CSMD3: variants seen among roughly 807,000 people sequenced by gnomAD.
The protein encoded by CSMD3 is CUB and Sushi multiple domains 3.
CSMD3 carries 177 observed loss-of-function variants against 435.2 expected under a neutral mutation model. The observed-to-expected ratio is 0.41, with a 90% CI of 0.36 to 0.46. CSMD3 has a LOEUF of 0.46. CSMD3 is among the 20% of genes least tolerant of loss of function. The pLI, the probability that CSMD3 is intolerant of heterozygous loss-of-function variation, is 0.34. For synonymous variants in CSMD3, 1,656 were observed against 1,520.5 expected (o/e 1.09, Z -2.07); for missense variants, 4,265 against 4,504.6 (o/e 0.95, Z 1.52).
chr8:112,276,312 T>C (rs982365039), intron 59 of CSMD3, among the ~76,000 whole-genome samples: 1 of 152,336 alleles, frequency 6.6e-6, no homozygotes, highest in East Asian at 1.9e-4. Flanking sequence ...TTTCACAGGC[T>C]GGCATTGAGT....
At chr8:113,279,345 T>G (rs1053362390) in intron 2 of CSMD3, among the ~76,000 whole-genome samples, 14 of 150,842 alleles carry the variant, frequency 9.3e-5, no homozygotes, top group Admixed American at 2.7e-4. Context: ...ACACCCTGTT[T>G]GGCATCTGAT....
intron 27 of CSMD3, among the ~76,000 whole-genome samples, chr8:112,541,880 C>A (rs1563680531): frequency 6.6e-6 from 1 of 151,548 alleles, no homozygotes; most frequent in African/African-American, 2.4e-5. Flanking sequence ...TACAAAAATC[C>A]TCAACAAAAT....
At chr8:113,263,690 A>G (rs1339975407) in intron 3 of CSMD3, among the ~76,000 whole-genome samples, 2 of 151,886 alleles carry the variant, frequency 1.3e-5, no homozygotes, top group Admixed American at 1.3e-4. Flanking sequence ...AATTCACTTG[A>G]ACATATATGA....
intron 7 of CSMD3, among the ~76,000 whole-genome samples, chr8:112,968,565 A>G (rs1029236265): frequency 6.6e-6 from 1 of 151,914 alleles, no homozygotes; most frequent in Admixed American, 6.6e-5. Flanking sequence ...ATGCCAGAGG[A>G]CAGATTTAAT....
chr8:112,553,639 A>C (rs1827873771), intron 25 of CSMD3, among the ~76,000 whole-genome samples: 1 of 152,038 alleles, frequency 6.6e-6, no homozygotes, highest in Admixed American at 6.6e-5. Flanking sequence ...AGAGTTTTTA[A>C]AACAAGTGAC....
At position 112,831,947 on chromosome 8, in the gene CSMD3, A is replaced by G. The variant is rs548791684; in HGVS notation, c.1756-2158T>C. On this transcript the variant is annotated intron_variant, in intron 11 of 70. Coordinates refer to ENST00000297405, the MANE Select transcript of CSMD3 (RefSeq NM_198123.2). ...GCTCACTAGTTGAGATCAGCTTTATATATTATGGATACTAATCCCTTACAT... is the reference window on the plus strand; with the variant it reads ...GCTCACTAGTTGAGATCAGCTTTATGTATTATGGATACTAATCCCTTACAT... 4.6e-3 allele frequency among the ~76,000 whole-genome samples: 696 copies of G among 152,272 alleles called. 4 individuals are homozygous for G. Among genetic ancestry groups the G allele is most frequent in the Non-Finnish European group, 8.6e-3 (583 of 68,010 alleles).
Position 112,793,238 on chromosome 8 carries a change from A to G in CSMD3, c.1972+6924T>C, listed in dbSNP as rs529954795. Among the ~76,000 whole-genome samples the G allele has an allele frequency of 2.1e-3, 319 of 148,456 alleles. 1 individual carries two copies. The highest frequency in any genetic ancestry group is 7.5e-3 in the African/African-American group (308 of 40,924). Reference sequence around the variant, plus strand: ...ATAATATACAAAATGGCATTAAGACACAGGTGCTAAGATAAAGAAATTTGC... The same window carrying G: ...ATAATATACAAAATGGCATTAAGACGCAGGTGCTAAGATAAAGAAATTTGC... On this transcript the variant is annotated intron_variant, in intron 13 of 70. Transcript: ENST00000297405.
At chr8:112,697,155 G>T (rs1487831224) in intron 13 of CSMD3, among the ~76,000 whole-genome samples, 2 of 152,078 alleles carry the variant, frequency 1.3e-5, no homozygotes, top group African/African-American at 2.4e-5. Flanking sequence ...CAACCATTGT[G>T]GAAGACAGTG....
intron 5 of CSMD3, among the ~76,000 whole-genome samples, chr8:113,069,176 T>G (rs1348298391): frequency 6.6e-6 from 1 of 152,158 alleles, no homozygotes. Flanking sequence ...AATTTTGTAC[T>G]ATAGAATAGG....
chr8:112,929,725 G>C (rs1017517482), intron 9 of CSMD3, among the ~76,000 whole-genome samples: 2 of 151,898 alleles, frequency 1.3e-5, no homozygotes, highest in African/African-American at 2.4e-5. Flanking sequence ...TAGATAAAAG[G>C]CAATAAAATA....
intron 10 of CSMD3, among the ~76,000 whole-genome samples, chr8:112,895,303 T>C (rs923240302): frequency 3.3e-5 from 5 of 151,392 alleles, no homozygotes; most frequent in Admixed American, 2.0e-4. Context: ...ATAATTAGAA[T>C]AGGTAGATAT....
intron 20 of CSMD3, among the ~76,000 whole-genome samples, chr8:112,640,113 A>G (rs749614097): frequency 5.3e-5 from 8 of 152,128 alleles, no homozygotes; most frequent in Non-Finnish European, 1.0e-4. Context: ...CAGTGAGTAT[A>G]TAGTGGACTC....
At chr8:113,167,125 C>T (rs754128937) in intron 4 of CSMD3, among the ~76,000 whole-genome samples, 33 of 151,988 alleles carry the variant, frequency 2.2e-4, no homozygotes, top group Admixed American at 4.6e-4. Context: ...TCTTGACTAT[C>T]TTAGTTTTTT....
chr8:112,366,772 A>G (rs1257313412), intron 38 of CSMD3, among the ~76,000 whole-genome samples: 3 of 152,050 alleles, frequency 2.0e-5, no homozygotes, highest in Non-Finnish European at 4.4e-5. Context: ...AACTCTTTAC[A>G]GGGCACTCAT....
At chr8:112,229,889 TAAAAAAA>T (rs60494083) in intron 69 of CSMD3, among the ~76,000 whole-genome samples, 40 of 141,668 alleles carry the variant, frequency 2.8e-4, no homozygotes, top group African/African-American at 9.7e-4. Flanking sequence ...CAGCCGAGAT[TAAAAAAA>T]AAAAAAAAGG....
chr8:113,250,029 A>T (rs2093320027), intron 3 of CSMD3, among the ~76,000 whole-genome samples: 1 of 152,142 alleles, frequency 6.6e-6, no homozygotes, highest in Non-Finnish European at 1.5e-5. Flanking sequence ...ATAAACAAAT[A>T]AATACAACAA....
At chr8:113,029,108 T>C (rs2131225950) in intron 5 of CSMD3, among the ~76,000 whole-genome samples, 1 of 151,592 alleles carries the variant, frequency 6.6e-6, no homozygotes, top group Admixed American at 6.6e-5. Flanking sequence ...TCAAAAATCC[T>C]AGAGCCCTTA....
intron 32 of CSMD3, among the ~76,000 whole-genome samples, chr8:112,437,451 C>T (rs904128572): frequency 1.3e-5 from 2 of 151,984 alleles, no homozygotes; most frequent in Non-Finnish European, 2.9e-5. Flanking sequence ...GCCTTTGTCA[C>T]GACGGAATAT....
At chr8:113,419,962 A>G (rs2094602003) in intron 1 of CSMD3, among the ~76,000 whole-genome samples, 1 of 152,182 alleles carries the variant, frequency 6.6e-6, no homozygotes, top group African/African-American at 2.4e-5. Context: ...TAAAATTTAC[A>G]TTCTTATATT....
Sources: allele counts gnomAD v4.1 joint callset (sites outside exome capture counted in the v4.1 genomes callset), GRCh38; gene constraint gnomAD v4.1.1; transcripts MANE v1.5; gene names NCBI Gene and HGNC (gene_info 2026-07-23, HGNC 2026-07-21).